The following CNTN5 variants were observed in gnomAD, a reference collection of about 807,000 sequenced individuals.
The protein encoded by CNTN5 is contactin 5, also known as contactin-5.
A neutral mutation model predicts 129.1 loss-of-function variants in CNTN5; 77 were observed. The observed-to-expected ratio is 0.60, with a 90% CI of 0.50 to 0.72. The LOEUF (loss-of-function observed/expected upper bound fraction) is 0.72, where lower values mean the gene tolerates loss of function less well. Ranked by LOEUF, CNTN5 falls within the 30% of genes least tolerant of loss-of-function variation. The pLI, the probability that CNTN5 is intolerant of heterozygous loss-of-function variation, is 0.00. For synonymous variants in CNTN5, 509 were observed against 465.6 expected, an observed-to-expected ratio of 1.09 and a Z score of -1.20; for missense variants, 1,478 against 1,328.8, an observed-to-expected ratio of 1.11 and a Z score of -1.75.
chr11:99,059,832 G>A (rs925395648), intron 1 of CNTN5, among the ~76,000 whole-genome samples: 1 of 151,840 alleles, frequency 6.6e-6, no homozygotes, highest in Non-Finnish European at 1.5e-5. Context: ...ATATGTGATG[G>A]GTAAAGTTTA....
Position 99,101,776 on chromosome 11 carries a change from G to C in CNTN5, c.-210+80506G>C, listed in dbSNP as rs143746731. Reference sequence around the variant, plus strand: ...CCCCTTTCACAAATCGGCATTGTCTGTGACTTTTCCAGGCACATGGTGTGA... The same window carrying C: ...CCCCTTTCACAAATCGGCATTGTCTCTGACTTTTCCAGGCACATGGTGTGA... On this transcript the variant is annotated intron_variant, in intron 1 of 24. Transcript: ENST00000524871. Among the ~76,000 whole-genome samples, 447 of 152,280 alleles carry C rather than the reference G, an allele frequency of 2.9e-3. 1 individual carries two copies. The highest frequency in any genetic ancestry group is 0.01 in the African/African-American group (434 of 41,566).
intron 3 of CNTN5, among the ~76,000 whole-genome samples, chr11:99,751,166 G>A (rs188396767): frequency 2.6e-5 from 4 of 152,130 alleles, no homozygotes; most frequent in East Asian, 3.9e-4. Context: ...GTGAAATCTC[G>A]TCTCTACTAA....
At chr11:100,210,177 A>T (rs1346490059) in intron 15 of CNTN5, among the ~76,000 whole-genome samples, 17 of 110,316 alleles carry the variant, frequency 1.5e-4, no homozygotes, top group Non-Finnish European at 2.3e-4. Flanking sequence ...CTCTATACAA[A>T]AAAAAAAAAA....
At chr11:99,644,441 A>C (rs1014148633) in intron 3 of CNTN5, among the ~76,000 whole-genome samples, 1 of 152,190 alleles carries the variant, frequency 6.6e-6, no homozygotes, top group Non-Finnish European at 1.5e-5. Context: ...CATAACTAAT[A>C]ATTTAGAAAT....
At chr11:100,039,330 A>G (rs867503008) in intron 9 of CNTN5, among the ~76,000 whole-genome samples, 1 of 152,226 alleles carries the variant, frequency 6.6e-6, no homozygotes, top group African/African-American at 2.4e-5. Context: ...GTTTCTGCCC[A>G]GAGATCAGCT....
intron 6 of CNTN5, among the ~76,000 whole-genome samples, chr11:99,862,529 G>A (rs1948239628): frequency 1.3e-5 from 2 of 151,946 alleles, no homozygotes; most frequent in African/African-American, 4.8e-5. Flanking sequence ...CAACAAAACA[G>A]CCATGTATGC....
At chr11:99,924,841 G>A (rs1050079772) in intron 7 of CNTN5, among the ~76,000 whole-genome samples, 3 of 152,010 alleles carry the variant, frequency 2.0e-5, no homozygotes, top group African/African-American at 7.2e-5. Context: ...TTTCAATGCA[G>A]TTGTTTTTGG....
At chr11:99,869,517 T>G (rs1948445806) in intron 6 of CNTN5, among the ~76,000 whole-genome samples, 1 of 152,184 alleles carries the variant, frequency 6.6e-6, no homozygotes, top group African/African-American at 2.4e-5. Context: ...GCAAATGACC[T>G]CTTCAACTAT....
chr11:99,328,757 C>G (rs1241152039), intron 2 of CNTN5, among the ~76,000 whole-genome samples: 2 of 151,116 alleles, frequency 1.3e-5, no homozygotes, highest in African/African-American at 4.9e-5. Context: ...GTAATCCCAG[C>G]TACTCAGGAG....
At chr11:99,256,786 CTA>C (rs1008554102) in intron 1 of CNTN5, among the ~76,000 whole-genome samples, 10 of 151,996 alleles carry the variant, frequency 6.6e-5, no homozygotes, top group African/African-American at 2.4e-4. Flanking sequence ...AATTCACAAA[CTA>C]TACAAAAAAT....
intron 6 of CNTN5, among the ~76,000 whole-genome samples, chr11:99,904,664 C>T (rs113271874): frequency 0.19 from 29,054 of 151,954 alleles, 3,518 homozygotes; most frequent in Non-Finnish European, 0.28. Context: ...CCCAGTAATG[C>T]GATTGCTGGG....
At chr11:99,390,901 A>G (rs1334201134) in intron 2 of CNTN5, among the ~76,000 whole-genome samples, 1 of 152,116 alleles carries the variant, frequency 6.6e-6, no homozygotes, top group Non-Finnish European at 1.5e-5. Flanking sequence ...TGTTAGTTTC[A>G]AAATAGTAAA....
At chr11:100,260,366 A>G (rs905666765) in intron 17 of CNTN5, among the ~76,000 whole-genome samples, 2 of 152,246 alleles carry the variant, frequency 1.3e-5, no homozygotes, top group Admixed American at 6.5e-5. Flanking sequence ...TACCAGAGGT[A>G]CAAAGAGGAG....
chr11:99,432,495 C>CTTTTCT (rs539746806), intron 2 of CNTN5, among the ~76,000 whole-genome samples: 10,829 of 75,994 alleles, frequency 0.14, 532 homozygotes, highest in Admixed American at 0.22. Flanking sequence ...CTTTTCTTTT[C>CTTTTCT]TTTCTTTTCT....
chr11:100,180,313 A>T (rs1322404867), intron 13 of CNTN5, among the ~76,000 whole-genome samples: 4 of 152,038 alleles, frequency 2.6e-5, no homozygotes, highest in Admixed American at 6.6e-5. Flanking sequence ...AACCCACATA[A>T]ATATGCTCAA....
At chr11:99,027,330 A>G (rs551446734) in intron 1 of CNTN5, among the ~76,000 whole-genome samples, 22 of 151,728 alleles carry the variant, frequency 1.4e-4, no homozygotes, top group African/African-American at 5.1e-4. Context: ...AGAAATGTAG[A>G]TGAGAGTATA....
At chr11:99,585,614 A>G (rs901149759) in intron 3 of CNTN5, among the ~76,000 whole-genome samples, 10 of 152,178 alleles carry the variant, frequency 6.6e-5, no homozygotes, top group African/African-American at 2.4e-4. Context: ...ATACAGATAG[A>G]TATAACTCAC....
At chr11:99,254,561 A>C (rs1041836081) in intron 1 of CNTN5, among the ~76,000 whole-genome samples, 2 of 151,990 alleles carry the variant, frequency 1.3e-5, no homozygotes, top group Non-Finnish European at 2.9e-5. Context: ...GGCAGTGATA[A>C]AAGTAGTAAT....
At chr11:99,619,140 A>G (rs1272286461) in intron 3 of CNTN5, among the ~76,000 whole-genome samples, 1 of 151,984 alleles carries the variant, frequency 6.6e-6, no homozygotes, top group Non-Finnish European at 1.5e-5. Context: ...TTCAAGATCA[A>G]AACTGACTCC....
Sources: gnomAD v4.1 joint callset for allele counts (sites outside exome capture counted in the v4.1 genomes callset) on GRCh38, gnomAD v4.1.1 for gene constraint, MANE v1.5 for transcripts, NCBI Gene and HGNC (gene_info 2026-07-23, HGNC 2026-07-21) for gene names.